SLC16A2: variants seen among roughly 807,000 people sequenced by gnomAD.
SLC16A2 encodes the protein monocarboxylate transporter 8.
SLC16A2 carries 3 observed loss-of-function variants against 27.2 expected under a neutral mutation model. The observed-to-expected ratio is 0.11, with a 90% CI of 0.05 to 0.28. SLC16A2 has a LOEUF of 0.28. Ranked by LOEUF, SLC16A2 falls within the 10% of genes least tolerant of loss-of-function variation. The pLI, the probability that SLC16A2 is intolerant of heterozygous loss-of-function variation, is 1.00. For missense variants in SLC16A2, 295 were observed against 458.5 expected (o/e 0.64, Z 3.26); for synonymous variants, 202 against 187.8 (o/e 1.08, Z -0.62).
In SLC16A2 at chrX:74,460,535, C is replaced by T. The variant is rs5937280; in HGVS notation, c.430+38468C>T. Among the ~76,000 whole-genome samples the T allele has an allele frequency of 2.4e-3, 265 of 112,545 alleles. 2 individuals carry two copies. Among genetic ancestry groups the T allele is most frequent in the Middle Eastern group, 4.6e-3 (1 of 217 alleles). ...TGCAATCCCATTTTATTGCCTACTTCTCTGAGGTCCCAGACTAACACAAAT... is the reference window on the plus strand; with the variant it reads ...TGCAATCCCATTTTATTGCCTACTTTTCTGAGGTCCCAGACTAACACAAAT... On this transcript the variant is annotated intron_variant, in intron 1 of 5. Coordinates refer to ENST00000587091, the MANE Select transcript of SLC16A2 (RefSeq NM_006517.5).
At chrX:74,488,481 C>T (rs1299533310) in intron 1 of SLC16A2, among the ~76,000 whole-genome samples, 2 of 111,477 alleles carry the variant, frequency 1.8e-5, no homozygotes, top group Non-Finnish European at 3.8e-5. Context: ...ATATTTTAAA[C>T]AAAATCTTGT....
intron 1 of SLC16A2, among the ~76,000 whole-genome samples, chrX:74,477,649 T>A (rs775245156): frequency 1.2e-4 from 14 of 112,371 alleles, no homozygotes; most frequent in Non-Finnish European, 2.4e-4. Context: ...CACACTGCTT[T>A]AAATGTTTCC....
At chrX:74,483,846 G>C (rs1220774993) in intron 1 of SLC16A2, among the ~76,000 whole-genome samples, 3 of 111,426 alleles carry the variant, frequency 2.7e-5, no homozygotes, top group African/African-American at 9.8e-5. Flanking sequence ...CACCATGCTT[G>C]AGGTAGAGAT....
chrX:74,507,937 A>G (rs1930164670), intron 1 of SLC16A2, among the ~76,000 whole-genome samples: 1 of 112,297 alleles, frequency 8.9e-6, no homozygotes, highest in Non-Finnish European at 1.9e-5. Flanking sequence ...GCCGTTGTGA[A>G]TAGTACTGCA....
intron 1 of SLC16A2, among the ~76,000 whole-genome samples, chrX:74,505,454 CT>C (rs1334000377): frequency 8.9e-6 from 1 of 112,480 alleles, no homozygotes; most frequent in Non-Finnish European, 1.9e-5. Context: ...CCTCTGCCTT[CT>C]TTTCCCCTAC....
intron 1 of SLC16A2, among the ~76,000 whole-genome samples, chrX:74,508,264 G>A (rs1930169831): frequency 8.9e-6 from 1 of 111,743 alleles, no homozygotes; most frequent in Non-Finnish European, 1.9e-5. Flanking sequence ...AACCTCGCTG[G>A]GATGTTAATT....
In SLC16A2 at chrX:74,476,316, T is replaced by C. The variant is rs1284939836; in HGVS notation, c.431-44674T>C. Among the ~76,000 whole-genome samples, 14 of 112,266 alleles carry C rather than the reference T, an allele frequency of 1.2e-4. No individual in the cohort carries two copies. In the East Asian group the frequency reaches 2.5e-3, roughly 20 times the overall value. On this transcript the variant is annotated intron_variant, in intron 1 of 5. Coordinates refer to ENST00000587091, the MANE Select transcript of SLC16A2 (RefSeq NM_006517.5). The stretch of plus-strand genomic sequence containing the variant: ...TGTATAAGAATGCTTGTGATTTTTG[T>C]ACATTGATTTTGTATCCTGAGACTT...
rs141024790 is a variant in SLC16A2, at chrX:74,450,732, C to T, written c.430+28665C>T. ...CAAAGGCACAACATTCAAGGTCCTC[C>T]GCTCCTTGCCTCCTCTGCCTTGTCT... On this transcript the variant is annotated intron_variant, in intron 1 of 5. Transcript: ENST00000587091. Among the ~76,000 whole-genome samples the T allele has an allele frequency of 3.2e-3, 361 of 111,881 alleles. 5 individuals carry two copies. The highest frequency in any genetic ancestry group is 0.011 in the African/African-American group (351 of 30,826).
chrX:74,505,782 T>G (rs1930114547), intron 1 of SLC16A2, among the ~76,000 whole-genome samples: 1 of 111,609 alleles, frequency 9.0e-6, no homozygotes, highest in African/African-American at 3.3e-5. Flanking sequence ...GGTAACAGAG[T>G]GATAACCTGT....
At chrX:74,479,226 C>T (rs1191874474) in intron 1 of SLC16A2, among the ~76,000 whole-genome samples, 1 of 111,856 alleles carries the variant, frequency 8.9e-6, no homozygotes, top group Non-Finnish European at 1.9e-5. Flanking sequence ...CGCTTCATTT[C>T]ATTCATTTGA....
chrX:74,529,261 T>A lies in SLC16A2; in HGVS notation c.1219T>A (p.Cys407Ser). Reference protein sequence around the residue: ...LGLMSMMIPLCRDFGGLIVVC... With the variant: ...LGLMSMMIPLSRDFGGLIVVC... ...CCTGATGTCCATGATGATTCCCCTG[T>A]GCCGGGACTTCGGGGGCCTTATCGT... The change falls in exon 5 of 6, where the codon TGC becomes AGC. Residue 407 changes from cysteine (C) to serine (S), a missense_variant. By Grantham distance (112) the Cys-to-Ser change is moderately radical (BLOSUM62 -1). Around this residue, in one of 3 missense-constraint regions of SLC16A2, gnomAD observed 144 missense variants for 219.8 expected, o/e 0.66. Transcript: ENST00000587091. The A allele has an allele frequency of 8.3e-7, 1 of 1,212,108 alleles. No individual in the cohort carries two copies. Among genetic ancestry groups the A allele is most frequent in the Non-Finnish European group, 1.1e-6 (1 of 895,484 alleles).
At chrX:74,482,275 T>A (rs1257857211) in intron 1 of SLC16A2, among the ~76,000 whole-genome samples, 1 of 112,020 alleles carries the variant, frequency 8.9e-6, no homozygotes, top group Non-Finnish European at 1.9e-5. Flanking sequence ...GTCTGAAGTG[T>A]CTCTCCTTGT....
intron 1 of SLC16A2, among the ~76,000 whole-genome samples, chrX:74,492,944 G>T (rs933638586): frequency 8.9e-6 from 1 of 112,089 alleles, no homozygotes; most frequent in Non-Finnish European, 1.9e-5. Context: ...TCTGGGCCCT[G>T]CTCTTGCTCA....
chrX:74,528,483 C>T (rs1410018775), intron 4 of SLC16A2, among the ~76,000 whole-genome samples: 1 of 111,204 alleles, frequency 9.0e-6, no homozygotes, highest in Non-Finnish European at 1.9e-5. Context: ...CCTGGGTTGG[C>T]TTCATTCTCC....
At chrX:74,422,191 C>G in intron 1 of SLC16A2, 124 bp downstream of exon 1, 1 of 705,405 alleles carries the variant, frequency 1.4e-6, no homozygotes, top group South Asian at 2.4e-5. Context: ...CTCCCCTTAC[C>G]CCTTACCCCT....
chrX:74,482,579 T>C (rs936011635), intron 1 of SLC16A2, among the ~76,000 whole-genome samples: 3 of 112,324 alleles, frequency 2.7e-5, no homozygotes, highest in African/African-American at 9.7e-5. Context: ...AAGTCTACTG[T>C]TGATCTCTTC....
intron 2 of SLC16A2, among the ~76,000 whole-genome samples, chrX:74,523,782 G>A (rs1202685412): frequency 8.9e-6 from 1 of 112,354 alleles, no homozygotes; most frequent in African/African-American, 3.2e-5. Flanking sequence ...CTTGGGATAT[G>A]TGGACCTTGG....
chrX:74,421,941 G>A lies in SLC16A2; in HGVS notation c.304G>A (p.Val102Met), dbSNP rs1928308278. 8.3e-7 allele frequency: 1 copy of A among 1,211,423 alleles called. No individual in the cohort carries two copies. Among genetic ancestry groups the A allele is most frequent in the Non-Finnish European group, 1.1e-6 (1 of 895,478 alleles). The stretch of plus-strand genomic sequence containing the variant: ...GCCTCCCGAAGGTGGCTTCGGCTGG[G>A]TGGTGGTGTTCGCTGCCACCTGGTG... ...FQPPEGGFGWVVVFAATWCNG... is the reference protein window; with the variant it reads ...FQPPEGGFGWMVVFAATWCNG... The change falls in exon 1 of 6, where the codon GTG becomes ATG. Residue 102 changes from valine to methionine, a missense_variant. Physicochemically the swap from Val to Met is conservative, Grantham distance 21 (BLOSUM62 1). Transcript: ENST00000587091.
chrX:74,480,968 G>T (rs1213290097), intron 1 of SLC16A2, among the ~76,000 whole-genome samples: 2 of 112,246 alleles, frequency 1.8e-5, no homozygotes, highest in East Asian at 5.6e-4. Context: ...TGCTTTCTCT[G>T]CATCTCTCGA....
Sources: gnomAD v4.1 joint callset for allele counts (sites outside exome capture counted in the v4.1 genomes callset) on GRCh38, gnomAD v4.1.1 for gene constraint, gnomAD v4.1.1 regional missense constraint, MANE v1.5 for transcripts, NCBI Gene and HGNC (gene_info 2026-07-23, HGNC 2026-07-21) for gene names.